The following SLC14A1 variants were observed in gnomAD, a reference collection of about 807,000 sequenced individuals.
SLC14A1 encodes urea transporter 1.
A neutral mutation model predicts 39.6 loss-of-function variants in SLC14A1; 36 were observed. The observed-to-expected ratio is 0.91, with a 90% confidence interval of 0.70 to 1.20. SLC14A1 has a LOEUF of 1.20. SLC14A1 is among the 50% of genes most tolerant of loss of function. The pLI, the probability that SLC14A1 is intolerant of heterozygous loss-of-function variation, is 0.00. For synonymous variants in SLC14A1, 164 were observed against 173.6 expected, an observed-to-expected ratio of 0.94 and a Z score of 0.43; for missense variants, 469 against 478.7, an observed-to-expected ratio of 0.98 and a Z score of 0.19.
Position 45,734,284 on chromosome 18 carries a change from G to C in SLC14A1, c.352G>C (p.Ala118Pro). The change falls in exon 5 of 10, where the codon GCA becomes CCA. Residue 118 changes from alanine to proline, a missense_variant. Transcript: ENST00000321925. The part of the protein sequence containing the change: ...LLLSQDRSLI[A>P]SGLYGYNATL... Reference sequence around the variant, plus strand: ...TCTCTTGCCCCACAGGTCATTAATAGCATCTGGGCTCTATGGCTACAATGC... The same window carrying C: ...TCTCTTGCCCCACAGGTCATTAATACCATCTGGGCTCTATGGCTACAATGC... 1 of 1,614,062 alleles carries C rather than the reference G, an allele frequency of 6.2e-7. No individual in the cohort carries two copies. Among genetic ancestry groups the C allele is most frequent in the Non-Finnish European group, 8.5e-7 (1 of 1,179,972 alleles).
At chr18:45,734,542 C>A (rs1028439657) in intron 5 of SLC14A1, 140 bp downstream of exon 5, 1 of 928,718 alleles carries the variant, frequency 1.1e-6, no homozygotes, top group Non-Finnish European at 1.7e-6. Context: ...GATGGTTGTA[C>A]AACAATGTGA....
chr18:45,730,326 G>A lies in SLC14A1; in HGVS notation c.6G>A (p.Glu2=), dbSNP rs1450450355. The change falls in exon 3 of 10, where the codon GAG becomes GAA. Residue 2 remains glutamate, a synonymous_variant. Transcript: ENST00000321925. The part of the protein sequence containing the change: M[E]DSPTMVRVDS... Reference sequence around the variant, plus strand: ...AGCCAGAGGAAGAGATAGCCATGGAGGACAGCCCCACTATGGTTAGAGTGG... The same window carrying A: ...AGCCAGAGGAAGAGATAGCCATGGAAGACAGCCCCACTATGGTTAGAGTGG... The A allele has an allele frequency of 6.2e-7, 1 of 1,612,690 alleles. No homozygotes were observed. Among genetic ancestry groups the A allele is most frequent in the African/African-American group, 1.3e-5 (1 of 74,134 alleles).
rs1215150134 is a variant in SLC14A1 at position 45,751,816 on chromosome 18, A to T, written c.*1865A>T. The T allele has an allele frequency of 2.1e-6, 2 of 953,506 alleles. No homozygotes were observed. The highest frequency in any genetic ancestry group is 9.7e-5 in the South Asian group (2 of 20,574). 59.1% of individuals were successfully genotyped at this position (953,506 alleles called of 1,614,324 possible). On this transcript the variant is annotated 3_prime_UTR_variant, in exon 10 of 10. Coordinates refer to ENST00000321925, the MANE Select transcript of SLC14A1 (RefSeq NM_015865.7). ...AATTAATTAATTAATTAATTAATTT[A>T]AAAAGGAAGTCATGTTCATTTACTT...
intron 1 of SLC14A1, 46 bp from the exon 2 acceptor site, chr18:45,724,904 A>G (rs777903547): frequency 6.6e-6 from 1 of 152,240 alleles, no homozygotes; most frequent in Non-Finnish European, 1.5e-5. Context: ...TGTTTTAACC[A>G]GGACACAGGA....
chr18:45,747,881 C>T (rs957099541), intron 8 of SLC14A1, among the ~76,000 whole-genome samples: 15 of 152,064 alleles, frequency 9.9e-5, no homozygotes, highest in African/African-American at 3.6e-4. Context: ...AAAGCAAGCA[C>T]TATGATTTTT....
Position 45,736,554 on chromosome 18 carries a change from C to T in SLC14A1, c.569C>T (p.Ala190Val). The change falls in exon 6 of 10, where the codon GCC becomes GTC. Residue 190 changes from alanine to valine, a missense_variant. By Grantham distance (64) the Ala-to-Val change is moderately conservative. Transcript: ENST00000321925. ...ATGGCGTTGTCAATGTACCTTTCAG[C>T]CACAGGACATTACAATCCATTCTTT... ...FNMALSMYLS[A>V]TGHYNPFFPA... 1 of 1,614,092 alleles carries T rather than the reference C, an allele frequency of 6.2e-7. No individual in the cohort carries two copies. Among genetic ancestry groups the T allele is most frequent in the Non-Finnish European group, 8.5e-7 (1 of 1,179,918 alleles).
At chr18:45,730,903 T>C in intron 3 of SLC14A1, 112 bp from the exon 4 acceptor site, 1 of 916,236 alleles carries the variant, frequency 1.1e-6, no homozygotes, top group Non-Finnish European at 1.8e-6. Context: ...TAAAGAAATA[T>C]CAAAAATGTT....
At chr18:45,740,092 C>G (rs1041516085) in intron 8 of SLC14A1, among the ~76,000 whole-genome samples, 1 of 152,220 alleles carries the variant, frequency 6.6e-6, no homozygotes, top group African/African-American at 2.4e-5. Context: ...AATGGTGGCA[C>G]TCACTGCTCC....
At chr18:45,729,631 T>G (rs2144746929) in intron 2 of SLC14A1, 1 of 152,338 alleles carries the variant, frequency 6.6e-6, no homozygotes, top group African/African-American at 2.4e-5. Flanking sequence ...TCTTGCCTGG[T>G]TTTACATATT....
chr18:45,728,518 T>C (rs1457740154), intron 2 of SLC14A1, among the ~76,000 whole-genome samples: 1 of 152,184 alleles, frequency 6.6e-6, no homozygotes, highest in Non-Finnish European at 1.5e-5. Context: ...TTGGTATGGC[T>C]TTGAAAATGG....
chr18:45,749,976 G>A lies in SLC14A1; in HGVS notation c.*25G>A. On this transcript the variant is annotated 3_prime_UTR_variant, in exon 10 of 10. Coordinates refer to ENST00000321925, the MANE Select transcript of SLC14A1 (RefSeq NM_015865.7). ...AGAACAAGCCCCATTTGCAGCCATGGTCACGAGTCATTTCTGCCTGACTGC... is the reference window on the plus strand; with the variant it reads ...AGAACAAGCCCCATTTGCAGCCATGATCACGAGTCATTTCTGCCTGACTGC... The A allele has an allele frequency of 6.2e-7, 1 of 1,614,104 alleles. No homozygotes were observed. The highest frequency in any genetic ancestry group is 1.1e-5 in the South Asian group (1 of 91,090).
chr18:45,740,036 T>C (rs1290007239), intron 8 of SLC14A1, among the ~76,000 whole-genome samples: 2 of 152,216 alleles, frequency 1.3e-5, no homozygotes, highest in African/African-American at 2.4e-5. Flanking sequence ...TCACGGGCTC[T>C]CCAGCTTGCA....
chr18:45,742,353 GTT>G (rs34628652), intron 8 of SLC14A1, among the ~76,000 whole-genome samples: 14 of 118,012 alleles, frequency 1.2e-4, no homozygotes, highest in Non-Finnish European at 1.5e-4. Context: ...TTGTTTTTTG[GTT>G]TTTTTTTTTT....
At chr18:45,744,252 G>T (rs1337073564) in intron 8 of SLC14A1, among the ~76,000 whole-genome samples, 1 of 152,216 alleles carries the variant, frequency 6.6e-6, no homozygotes, top group Non-Finnish European at 1.5e-5. Context: ...GACCTCAAGT[G>T]ATCCACCTGC....
At chr18:45,735,150 C>T (rs2047151802) in intron 5 of SLC14A1, among the ~76,000 whole-genome samples, 1 of 152,196 alleles carries the variant, frequency 6.6e-6, no homozygotes, top group African/African-American at 2.4e-5. Flanking sequence ...TCTGCGGTAG[C>T]GCCTGGGCTT....
chr18:45,727,346 T>C (rs2046895197), intron 2 of SLC14A1: 3 of 1,551,496 alleles, frequency 1.9e-6, no homozygotes, highest in Middle Eastern at 1.7e-4. Flanking sequence ...CTTTTGGAAC[T>C]AAAGCTGGTG....
chr18:45,726,387 T>C (rs2046863006), intron 2 of SLC14A1, among the ~76,000 whole-genome samples: 1 of 152,196 alleles, frequency 6.6e-6, no homozygotes, highest in African/African-American at 2.4e-5. Flanking sequence ...AAAAGAGTGA[T>C]ATTCTTGGAT....
In SLC14A1 at chr18:45,751,354, A is replaced by C. The variant is rs201133319; in HGVS notation, c.*1403A>C. 1,272 of 870,824 alleles carry C rather than the reference A, an allele frequency of 1.5e-3. 15 individuals are homozygous for C. The East Asian group carries it at 0.047, about 32-fold the overall frequency. 53.9% of individuals were successfully genotyped at this position (870,824 alleles called of 1,614,324 possible). The stretch of plus-strand genomic sequence containing the variant: ...AAACTGTGTCTCTCAAAAAAAAAAA[A>C]AAACAAACAAAAACAAAAACAAAAC... On this transcript the variant is annotated 3_prime_UTR_variant, in exon 10 of 10. Transcript: ENST00000321925.
intron 2 of SLC14A1, chr18:45,727,428 C>T (rs2144735039): frequency 1.3e-6 from 2 of 1,536,136 alleles, no homozygotes; most frequent in East Asian, 2.5e-5. Flanking sequence ...GGTATGCTTC[C>T]TTCGTGCAGC....
Sources: allele counts gnomAD v4.1 joint callset (sites outside exome capture counted in the v4.1 genomes callset), GRCh38; gene constraint gnomAD v4.1.1; transcripts MANE v1.5; gene names NCBI Gene and HGNC (gene_info 2026-07-23, HGNC 2026-07-21).